The following ZC3H14 variants were observed in gnomAD, a reference collection of about 807,000 sequenced individuals.
The protein encoded by ZC3H14 is zinc finger CCCH-type containing 14.
In ZC3H14, 31 loss-of-function variants were observed where a neutral mutation model predicts 92.4. The observed-to-expected ratio is 0.34, with a 90% CI of 0.25 to 0.45. ZC3H14 has a LOEUF of 0.45. Ranked by LOEUF, ZC3H14 falls within the 20% of genes least tolerant of loss-of-function variation. The pLI is 1.00. For missense variants in ZC3H14, 781 were observed against 897.3 expected (o/e 0.87, Z 1.66); for synonymous variants, 321 against 300.9 (o/e 1.07, Z -0.69).
chr14:88,616,360 C>T lies in ZC3H14; in HGVS notation c.*4609C>T. 1 of 975,312 alleles carries T rather than the reference C, an allele frequency of 1.0e-6. No homozygotes were observed. Among genetic ancestry groups the T allele is most frequent in the Non-Finnish European group, 1.6e-6 (1 of 630,856 alleles). The allele number at this position is 975,312 out of a possible 1,614,324, so 60.4% of individuals were successfully genotyped here. A position where few individuals can be genotyped will look rare whatever the true frequency, so the allele number is the denominator to read the frequency against. On this transcript the variant is annotated 3_prime_UTR_variant, in exon 17 of 17. Transcript: ENST00000251038. ...TGGAGAGAGTAGGGAGTTAGCACCG[C>T]AGCCAGTGATTAGAATGCTTTTCAG...
In ZC3H14 at chr14:88,615,945, A is replaced by G. The variant is rs12885870; in HGVS notation, c.*4194A>G. The G allele has an allele frequency of 0.17, 241,311 of 1,436,694 alleles. 25,276 individuals are homozygous for G. Among genetic ancestry groups the G allele is most frequent in the East Asian group, 0.49 (20,184 of 41,600 alleles). The allele number at this position is 1,436,694 out of a possible 1,614,324, so 89.0% of individuals were successfully genotyped here. ...TTTTTCAGTTGTGCTTTCAGGTTACATGTGTAATATTTTTCCTCTTTAACT... is the reference window on the plus strand; with the variant it reads ...TTTTTCAGTTGTGCTTTCAGGTTACGTGTGTAATATTTTTCCTCTTTAACT... On this transcript the variant is annotated 3_prime_UTR_variant, in exon 17 of 17. Transcript: ENST00000251038.
At chr14:88,568,183 C>G in intron 3 of ZC3H14, 30 bp downstream of exon 3, 1 of 1,564,066 alleles carries the variant, frequency 6.4e-7, no homozygotes. Context: ...TGCCTCAGAC[C>G]AAAGTTTGGC....
intron 10 of ZC3H14, among the ~76,000 whole-genome samples, chr14:88,601,016 T>C (rs918478431): frequency 6.6e-6 from 1 of 152,182 alleles, no homozygotes; most frequent in Non-Finnish European, 1.5e-5. Flanking sequence ...CCTTTACTGC[T>C]GACTTCAGAT....
chr14:88,622,054 A>G lies in ZC3H14; in HGVS notation c.*10303A>G, dbSNP rs532037790. 6.4e-6 allele frequency: 2 copies of G among 311,972 alleles called. No homozygotes were observed. Among genetic ancestry groups the G allele is most frequent in the South Asian group, 2.5e-5 (1 of 40,114 alleles). The allele number at this position is 311,972 out of a possible 1,614,324, so 19.3% of individuals were successfully genotyped here. A position where few individuals can be genotyped will look rare whatever the true frequency, so the allele number is the denominator to read the frequency against. ...CTCCCCCTCCCCCTTGTCCGCCTCC[A>G]GTAACCACTATTCTACTCTCCACCT... is the stretch of plus-strand genomic sequence containing the variant. On this transcript the variant is annotated 3_prime_UTR_variant, in exon 17 of 17. Transcript: ENST00000251038.
Position 88,601,996 on chromosome 14 carries a change from A to C in ZC3H14, c.1427A>C (p.Glu476Ala). ...ATTCTGAAGAAGCCAAAGCTGTCTG[A>C]GGAAGTAGTAGTGGCACCAAACCAA... ...SFILKKPKLS[E>A]EVVVAPNQES... Residue 476 changes from glutamate (E) to alanine (A), a missense_variant, in exon 11 of 17, where the codon GAG becomes GCG. Physicochemically the swap from Glu to Ala is moderately radical, Grantham distance 107. Transcript: ENST00000251038. 1 of 1,614,182 alleles carries C rather than the reference A, an allele frequency of 6.2e-7. No individual in the cohort carries two copies. Among genetic ancestry groups the C allele is most frequent in the Non-Finnish European group, 8.5e-7 (1 of 1,180,014 alleles).
intron 10 of ZC3H14, among the ~76,000 whole-genome samples, chr14:88,597,785 G>A (rs140444377): frequency 5.6e-4 from 86 of 152,282 alleles, no homozygotes; most frequent in African/African-American, 2.0e-3. Flanking sequence ...GTTGACAGCC[G>A]AGATCTGTGT....
rs181607926 is a variant in ZC3H14, at chr14:88,609,385, G to A, written c.1987G>A (p.Val663Ile). 4.0e-5 allele frequency: 64 copies of A among 1,614,012 alleles called. No homozygotes were observed. In the African/African-American group the frequency reaches 6.1e-4, roughly 15 times the overall value. The part of the protein sequence containing the change: ...PFTHVSRRIP[V>I]LSPKPAVAPP... ...CACTCATGTGAGTAGAAGAATTCCA[G>A]TACTGTCTCCAAAACCAGGTGAGTG... The change falls in exon 14 of 17, where the codon GTA becomes ATA. Residue 663 changes from valine to isoleucine, a missense_variant. Coordinates refer to ENST00000251038, the MANE Select transcript of ZC3H14 (RefSeq NM_024824.5).
intron 10 of ZC3H14, among the ~76,000 whole-genome samples, chr14:88,599,901 C>T (rs1409250135): frequency 6.6e-6 from 1 of 152,294 alleles, no homozygotes; most frequent in East Asian, 1.9e-4. Flanking sequence ...GAGCTGCAAA[C>T]AGTCATCTGT....
chr14:88,568,336 T>C (rs1332040103), intron 3 of ZC3H14, among the ~76,000 whole-genome samples, 183 bp downstream of exon 3: 1 of 152,164 alleles, frequency 6.6e-6, no homozygotes, highest in Non-Finnish European at 1.5e-5. Context: ...TACCCGAGAC[T>C]GGGTAATTTC....
intron 1 of ZC3H14, 80 bp downstream of exon 1, chr14:88,563,249 C>G: frequency 6.4e-7 from 1 of 1,553,708 alleles, no homozygotes; most frequent in East Asian, 2.4e-5. Flanking sequence ...GACTGTGGGC[C>G]CGGGTGGACG....
Position 88,624,781 on chromosome 14 carries a change from T to C in ZC3H14, c.*13030T>C, listed in dbSNP as rs995620651. The C allele has an allele frequency of 4.7e-6, 3 of 637,038 alleles. No homozygotes were observed. Among genetic ancestry groups the C allele is most frequent in the South Asian group, 2.3e-5 (1 of 42,670 alleles). The allele number at this position is 637,038 out of a possible 1,614,324, so 39.5% of individuals were successfully genotyped here. A position where few individuals can be genotyped will look rare whatever the true frequency, so the allele number is the denominator to read the frequency against. The stretch of plus-strand genomic sequence containing the variant: ...AAGTATCACCCCAACATGAAAAAAA[T>C]TGGAAGTGAATTAAGACCAGAAATG... On this transcript the variant is annotated 3_prime_UTR_variant, in exon 17 of 17. Transcript: ENST00000251038.
intron 10 of ZC3H14, among the ~76,000 whole-genome samples, chr14:88,597,294 A>G (rs552772515): frequency 6.6e-6 from 1 of 152,248 alleles, no homozygotes; most frequent in African/African-American, 2.4e-5. Flanking sequence ...ACAGACACAC[A>G]TGCCAGGGGC....
At chr14:88,577,871 A>G in intron 8 of ZC3H14, 114 bp from the exon 9 acceptor site, 20 of 1,390,570 alleles carry the variant, frequency 1.4e-5, no homozygotes, top group Non-Finnish European at 1.8e-5. Flanking sequence ...GCCCAGCCTG[A>G]ACTCATATGT....
chr14:88,603,744 A>G (rs1321335434), intron 12 of ZC3H14, among the ~76,000 whole-genome samples: 2 of 152,242 alleles, frequency 1.3e-5, no homozygotes, highest in Non-Finnish European at 2.9e-5. Context: ...AGGAGGGATA[A>G]TTACTCAATC....
Position 88,621,373 on chromosome 14 carries a change from G to A in ZC3H14, c.*9622G>A. Reference sequence around the variant, plus strand: ...CTTTTCTTCTTCATAATATAAAAATGACCCTATTGACCTGCTTTCAGAGAA... The same window carrying A: ...CTTTTCTTCTTCATAATATAAAAATAACCCTATTGACCTGCTTTCAGAGAA... On this transcript the variant is annotated 3_prime_UTR_variant, in exon 17 of 17. Coordinates refer to ENST00000251038, the MANE Select transcript of ZC3H14 (RefSeq NM_024824.5). The A allele has an allele frequency of 6.4e-7, 1 of 1,557,488 alleles. No homozygotes were observed. Among genetic ancestry groups the A allele is most frequent in the Non-Finnish European group, 8.8e-7 (1 of 1,136,300 alleles).
In ZC3H14 at chr14:88,610,238, G is replaced by A. The variant is rs183949286; in HGVS notation, c.2097+435G>A. ...AAATGAATTATCTCCTTCTTGCCCC[G>A]GTAGCTTGAGGACCATATGAAGGCC... On this transcript the variant is annotated intron_variant, in intron 15 of 16. Coordinates refer to ENST00000251038, the MANE Select transcript of ZC3H14 (RefSeq NM_024824.5). Among the ~76,000 whole-genome samples the A allele has an allele frequency of 6.2e-3, 939 of 152,172 alleles. 5 individuals are homozygous for A. The highest frequency in any genetic ancestry group is 0.027 in the Middle Eastern group (8 of 294).
intron 9 of ZC3H14, among the ~76,000 whole-genome samples, chr14:88,580,615 A>G (rs1361212316): frequency 1.3e-5 from 2 of 152,336 alleles, no homozygotes; most frequent in East Asian, 3.9e-4. Context: ...GTGTTTTTAT[A>G]GTAGGAATCT....
intron 2 of ZC3H14, 87 bp from the exon 3 acceptor site, chr14:88,567,950 TAG>T: frequency 9.5e-7 from 1 of 1,056,898 alleles, no homozygotes; most frequent in Non-Finnish European, 1.4e-6. Context: ...CTCTAAAGCT[TAG>T]AGCTACATCT....
At position 88,625,141 on chromosome 14, in the gene ZC3H14, G is replaced by A. The variant is rs768813392; in HGVS notation, c.*13390G>A. 5.6e-6 allele frequency: 9 copies of A among 1,612,624 alleles called. No individual in the cohort carries two copies. The highest frequency in any genetic ancestry group is 7.6e-6 in the Non-Finnish European group (9 of 1,179,344). Reference sequence around the variant, plus strand: ...CGTCAAGTTATTCTGAAAAGGAGTGGGGGAGGGGGAGACAAACTCATCAAA... The same window carrying A: ...CGTCAAGTTATTCTGAAAAGGAGTGAGGGAGGGGGAGACAAACTCATCAAA... On this transcript the variant is annotated 3_prime_UTR_variant, in exon 17 of 17. Transcript: ENST00000251038.
Sources: allele counts gnomAD v4.1 joint callset (sites outside exome capture counted in the v4.1 genomes callset), GRCh38; gene constraint gnomAD v4.1.1; transcripts MANE v1.5; gene names NCBI Gene and HGNC (gene_info 2026-07-23, HGNC 2026-07-21).